Variants in ABCC8 observed in about 807,000 individuals in gnomAD.
ABCC8 encodes ATP-binding cassette sub-family C member 8.
In ABCC8, 137 loss-of-function variants were observed where a neutral mutation model predicts 188.0. The observed-to-expected ratio is 0.73, with a 90% confidence interval of 0.63 to 0.84. The LOEUF (loss-of-function observed/expected upper bound fraction) is 0.84. Among genes scored for constraint, ABCC8 ranks in the 40% least tolerant of loss-of-function variants. The probability of loss-of-function intolerance (pLI) is 0.00; values close to 1 mark genes in which losing one functional copy is unlikely to be tolerated. For missense variants in ABCC8, 1,750 were observed against 2,072.7 expected (o/e 0.84, Z 3.02); for synonymous variants, 797 against 846.5 (o/e 0.94, Z 1.01).
intron 7 of ABCC8, 162 bp from the exon 8 acceptor site, chr11:17,448,833 G>A (rs531069691): frequency 7.7e-6 from 4 of 518,210 alleles, no homozygotes; most frequent in South Asian, 1.7e-4. Flanking sequence ...CAACTTACTA[G>A]TCTACTCCAG....
chr11:17,427,002 T>TA lies in ABCC8; in HGVS notation c.2222+46dup. On this transcript the variant is annotated intron_variant, in intron 16 of 38. Coordinates refer to ENST00000389817, the MANE Select transcript of ABCC8 (RefSeq NM_000352.6). The surrounding 1 kb of genome is among the most constrained non-coding windows in gnomAD (Gnocchi z 5.0). Reference sequence around the variant, plus strand: ...TGCATCCTCAACTGAGGAGGATGGTTAAAAGGAGATTTCCCCTCCACTGGG... The same window carrying TA: ...TGCATCCTCAACTGAGGAGGATGGTTAAAAAGGAGATTTCCCCTCCACTGGG... 8.7e-6 allele frequency: 14 copies of TA among 1,605,484 alleles called. No homozygotes were observed. Among genetic ancestry groups the TA allele is most frequent in the Non-Finnish European group, 1.2e-5 (14 of 1,174,660 alleles).
At chr11:17,476,114 T>C (rs1848755987) in intron 1 of ABCC8, among the ~76,000 whole-genome samples, 1 of 152,078 alleles carries the variant, frequency 6.6e-6, no homozygotes, top group African/African-American at 2.4e-5. Flanking sequence ...CCTGGGACTG[T>C]CAGAGATCAC....
chr11:17,467,642 G>A (rs770168197), intron 3 of ABCC8, among the ~76,000 whole-genome samples: 10 of 152,166 alleles, frequency 6.6e-5, no homozygotes, highest in South Asian at 2.1e-4. Context: ...GTTCCCTCAC[G>A]GGACAATGTA....
intron 8 of ABCC8, 147 bp from the exon 9 acceptor site, chr11:17,443,459 G>T: frequency 7.3e-7 from 1 of 1,362,274 alleles, no homozygotes; most frequent in Non-Finnish European, 1.0e-6. Context: ...GTGGAGTGCA[G>T]GGAAGGAGGA....
intron 3 of ABCC8, 101 bp from the exon 4 acceptor site, chr11:17,463,705 C>T (rs774093847): frequency 5.2e-5 from 77 of 1,472,042 alleles, no homozygotes; most frequent in Non-Finnish European, 6.8e-5. Context: ...ACAGAATAAG[C>T]GTGCCTGGGT....
chr11:17,417,484 A>G lies in ABCC8; in HGVS notation c.2223-522T>C, dbSNP rs80227291. ...TAAATATAGTGGACTGTAATGTCAA[A>G]TGCTTTTCATACTGTGGATTTTGAT... On this transcript the variant is annotated intron_variant, in intron 16 of 38. Coordinates refer to ENST00000389817, the MANE Select transcript of ABCC8 (RefSeq NM_000352.6). Among the ~76,000 whole-genome samples the G allele has an allele frequency of 3.0e-3, 452 of 152,320 alleles. 5 individuals carry two copies. Among genetic ancestry groups the G allele is most frequent in the African/African-American group, 0.011 (437 of 41,558 alleles).
chr11:17,395,417 G>A, intron 35 of ABCC8, 142 bp from the exon 36 acceptor site: 2 of 1,507,662 alleles, frequency 1.3e-6, no homozygotes, highest in Non-Finnish European at 1.8e-6. Flanking sequence ...AGTGGGTGGG[G>A]GACAGCATCT....
At chr11:17,396,041 T>C (rs1370334530) in intron 33 of ABCC8, 111 bp from the exon 34 acceptor site, 2 of 1,529,944 alleles carry the variant, frequency 1.3e-6, no homozygotes, top group Non-Finnish European at 1.8e-6. Context: ...GGTATCTTTT[T>C]GGCCTGGTTT....
rs117529620 is a variant in ABCC8, at chr11:17,445,602, T to G, written c.1333-2290A>C. Among the ~76,000 whole-genome samples, 157 of 152,380 alleles carry G rather than the reference T, an allele frequency of 1.0e-3. No individual in the cohort carries two copies. In the East Asian group the frequency reaches 0.026, roughly 25 times the overall value. On this transcript the variant is annotated intron_variant, in intron 8 of 38. Coordinates refer to ENST00000389817, the MANE Select transcript of ABCC8 (RefSeq NM_000352.6). ...TTACGTGCCCTGTGGCTAACCAGGC[T>G]GCACACAGAATCCTAACCACATGAG...
intron 36 of ABCC8, among the ~76,000 whole-genome samples, chr11:17,394,803 G>A (rs1221987797): frequency 3.3e-5 from 5 of 152,114 alleles, no homozygotes; most frequent in East Asian, 1.9e-4. Context: ...TGAGTGACCC[G>A]TGTCTATGAT....
chr11:17,447,334 C>T (rs558288579), intron 8 of ABCC8, among the ~76,000 whole-genome samples: 3 of 152,234 alleles, frequency 2.0e-5, no homozygotes, highest in African/African-American at 7.2e-5. Flanking sequence ...ATCATGCTGA[C>T]GATTCTCCTC....
chr11:17,411,452 T>C (rs149674281), intron 21 of ABCC8, among the ~76,000 whole-genome samples: 247 of 152,342 alleles, frequency 1.6e-3, no homozygotes, highest in Admixed American at 3.0e-3. Context: ...TGTGTGTGTG[T>C]CAGACGGTAA....
chr11:17,410,659 C>T lies in ABCC8; in HGVS notation c.2557-6G>A. 6.2e-7 allele frequency: 1 copy of T among 1,613,866 alleles called. No homozygotes were observed. The highest frequency in any genetic ancestry group is 8.5e-7 in the Non-Finnish European group (1 of 1,179,906). On this transcript the variant is annotated splice_polypyrimidine_tract_variant and splice_region_variant and intron_variant, in intron 21 of 38. Transcript: ENST00000389817. ...AGAGCTGAGAAGGGGTCATCCTGGG[C>T]AGAAGGGAGAGGAAGAGAGTAGAGG...
rs748084178 is a variant in ABCC8 at position 17,430,807 on chromosome 11, C to T, written c.1817+7G>A. 3.1e-6 allele frequency: 5 copies of T among 1,613,930 alleles called. No homozygotes were observed. In the African/African-American group the frequency reaches 5.3e-5, roughly 17 times the overall value. ...GCCCAGTGCCCTCGCCCGGACCCTC[C>T]CCTCACCTCACTAGAGCTTTGACGG... On this transcript the variant is annotated splice_region_variant and intron_variant, in intron 12 of 38. Transcript: ENST00000389817.
chr11:17,417,116 C>T, intron 16 of ABCC8, 154 bp from the exon 17 acceptor site: 1 of 958,662 alleles, frequency 1.0e-6, no homozygotes, highest in Non-Finnish European at 1.2e-6. Flanking sequence ...TCAGAAAGCA[C>T]TCTTCTCAAT....
intron 8 of ABCC8, among the ~76,000 whole-genome samples, chr11:17,444,578 G>T (rs1426352045): frequency 6.6e-6 from 1 of 152,192 alleles, no homozygotes; most frequent in Non-Finnish European, 1.5e-5. Context: ...CCTCCTAGGT[G>T]CTCCCAAGAC....
intron 28 of ABCC8, among the ~76,000 whole-genome samples, chr11:17,403,331 G>T (rs1190706005): frequency 6.6e-6 from 1 of 152,198 alleles, no homozygotes; most frequent in Admixed American, 6.5e-5. Context: ...AGGGAGGCCA[G>T]TTTGGGATGC....
chr11:17,465,510 T>A (rs1397952957), intron 3 of ABCC8: 1 of 152,218 alleles, frequency 6.6e-6, no homozygotes, highest in Non-Finnish European at 1.5e-5. Context: ...TTTTGCATAG[T>A]CCTGTCCTGC....
At chr11:17,405,166 T>C (rs1354188577) in intron 27 of ABCC8, among the ~76,000 whole-genome samples, 13 of 152,170 alleles carry the variant, frequency 8.5e-5, no homozygotes, top group Admixed American at 7.9e-4. Flanking sequence ...TCTGGTACAA[T>C]GGTAAATAAA....
Sources: gnomAD v4.1 joint callset for allele counts (sites outside exome capture counted in the v4.1 genomes callset) on GRCh38, gnomAD v4.1.1 for gene constraint, Gnocchi (gnomAD v3.1) non-coding constraint, MANE v1.5 for transcripts, NCBI Gene and HGNC (gene_info 2026-07-23, HGNC 2026-07-21) for gene names.